C12orf42: variants seen among roughly 807,000 people sequenced by gnomAD.
C12orf42 encodes the protein chromosome 12 open reading frame 42.
In C12orf42, 25 loss-of-function variants were observed where a neutral mutation model predicts 21.6. The observed-to-expected ratio is 1.16, with a 90% CI of 0.84 to 1.62. The LOEUF is 1.62. C12orf42 is among the 40% of genes most tolerant of loss of function. The pLI, the probability that C12orf42 is intolerant of heterozygous loss-of-function variation, is 0.00. For synonymous variants in C12orf42, 174 were observed against 175.0 expected (o/e 0.99, Z 0.05); for missense variants, 483 against 459.3 (o/e 1.05, Z -0.47).
chr12:103,480,186 ATTATT>A (rs1954365909), intron 1 of C12orf42, among the ~76,000 whole-genome samples: 1 of 151,794 alleles, frequency 6.6e-6, no homozygotes, highest in Admixed American at 6.6e-5. Context: ...TTTCAAATAA[ATTATT>A]TTATTTCCTA....
At chr12:103,111,681 C>T in the C12orf42 span, among the ~76,000 whole-genome samples, 130 of 152,278 alleles carry the variant, frequency 8.5e-4, 1 homozygote, top group Middle Eastern at 6.8e-3. Context: ...GCATTAGTAG[C>T]ACTTTTGTTA....
At chr12:103,326,507 T>C (rs1347481945) in intron 4 of C12orf42, among the ~76,000 whole-genome samples, 1 of 152,208 alleles carries the variant, frequency 6.6e-6, no homozygotes, top group Non-Finnish European at 1.5e-5. Flanking sequence ...CTACATGATC[T>C]AGCCCCTTCC....
the C12orf42 span, among the ~76,000 whole-genome samples, chr12:103,107,464 T>C: frequency 6.6e-6 from 1 of 151,990 alleles, no homozygotes; most frequent in South Asian, 2.1e-4. Context: ...AATAGAATTA[T>C]AGTTAGAAAC....
At chr12:103,439,904 C>T (rs10861010) in intron 2 of C12orf42, among the ~76,000 whole-genome samples, 89,577 of 144,902 alleles carry the variant, frequency 0.62, 27,858 homozygotes, top group Admixed American at 0.71. Context: ...CATCCCATTA[C>T]TGGGTATATA....
intron 2 of C12orf42, among the ~76,000 whole-genome samples, chr12:103,447,116 A>G (rs937637639): frequency 3.3e-5 from 5 of 152,004 alleles, no homozygotes; most frequent in Non-Finnish European, 5.9e-5. Context: ...ATAGGGCACA[A>G]AAAAGTCTCA....
intron 10 of C12orf42, among the ~76,000 whole-genome samples, chr12:103,252,816 C>T (rs1593214490): frequency 6.6e-6 from 1 of 152,200 alleles, no homozygotes; most frequent in South Asian, 2.1e-4. Flanking sequence ...ATTTAGATCC[C>T]ATTTGTCAAT....
the C12orf42 span, among the ~76,000 whole-genome samples, chr12:103,173,315 G>A: frequency 2.4e-4 from 37 of 152,200 alleles, no homozygotes; most frequent in African/African-American, 8.9e-4. Context: ...GTTCACATGG[G>A]AAAGCAGCAA....
intron 2 of C12orf42, among the ~76,000 whole-genome samples, chr12:103,425,502 C>T (rs947528290): frequency 1.3e-5 from 2 of 152,200 alleles, no homozygotes; most frequent in Non-Finnish European, 2.9e-5. Flanking sequence ...AGGCAGCAAT[C>T]TTTGCTGTTC....
chr12:103,536,090 G>A, the C12orf42 span, among the ~76,000 whole-genome samples: 1 of 152,186 alleles, frequency 6.6e-6, no homozygotes, highest in Non-Finnish European at 1.5e-5. Context: ...TGATAATAAG[G>A]AATTGTAAGA....
At chr12:103,076,696 T>C in the C12orf42 span, among the ~76,000 whole-genome samples, 1 of 152,210 alleles carries the variant, frequency 6.6e-6, no homozygotes, top group African/African-American at 2.4e-5. Flanking sequence ...ATTATAGTGA[T>C]ACCTAACACT....
At chr12:103,487,883 C>T (rs1383607331) in intron 1 of C12orf42, among the ~76,000 whole-genome samples, 1 of 152,132 alleles carries the variant, frequency 6.6e-6, no homozygotes, top group Non-Finnish European at 1.5e-5. Flanking sequence ...GAATACAGCA[C>T]ACTAATGGGT....
At chr12:103,155,478 A>G in the C12orf42 span, among the ~76,000 whole-genome samples, 1 of 152,234 alleles carries the variant, frequency 6.6e-6, no homozygotes, top group Admixed American at 6.5e-5. Flanking sequence ...TTCTATGAGC[A>G]CATAATGAGT....
the C12orf42 span, among the ~76,000 whole-genome samples, chr12:103,147,693 TG>T: frequency 6.8e-6 from 1 of 148,070 alleles, no homozygotes; most frequent in Non-Finnish European, 1.5e-5. Context: ...AAGCCGCAAT[TG>T]TGTGAGGCTG....
At chr12:103,251,250 C>T (rs1416182177) in intron 10 of C12orf42, among the ~76,000 whole-genome samples, 1 of 152,110 alleles carries the variant, frequency 6.6e-6, no homozygotes, top group African/African-American at 2.4e-5. Context: ...CCTTTCCCAA[C>T]CCCACTATAG....
At chr12:103,481,766 T>A (rs945871116) in intron 1 of C12orf42, among the ~76,000 whole-genome samples, 3 of 151,802 alleles carry the variant, frequency 2.0e-5, no homozygotes, top group African/African-American at 7.2e-5. Context: ...ATGTGCTTTC[T>A]ACTTATCTAC....
the C12orf42 span, among the ~76,000 whole-genome samples, chr12:103,554,355 T>C: frequency 1.3e-5 from 2 of 151,654 alleles, no homozygotes; most frequent in Non-Finnish European, 2.9e-5. Flanking sequence ...AGCCCAAGAG[T>C]TAAAAATAAA....
chr12:103,142,795 C>T, the C12orf42 span, among the ~76,000 whole-genome samples: 3 of 152,166 alleles, frequency 2.0e-5, no homozygotes, highest in African/African-American at 7.2e-5. Flanking sequence ...TATAACTCAA[C>T]TTGTGCAGCA....
the C12orf42 span, among the ~76,000 whole-genome samples, chr12:103,548,318 C>CT: frequency 6.6e-6 from 1 of 152,218 alleles, no homozygotes; most frequent in East Asian, 1.9e-4. Flanking sequence ...GATAAGGCAG[C>CT]TACAGGTTAA....
chr12:103,459,544 C>A (rs1255752297), intron 2 of C12orf42, among the ~76,000 whole-genome samples: 1 of 152,164 alleles, frequency 6.6e-6, no homozygotes, highest in Non-Finnish European at 1.5e-5. Context: ...CTTCCTGAGG[C>A]CTTACCAGAA....
Sources: allele counts gnomAD v4.1 joint callset (sites outside exome capture counted in the v4.1 genomes callset), GRCh38; gene constraint gnomAD v4.1.1; transcripts MANE v1.5; gene names NCBI Gene and HGNC (gene_info 2026-07-23, HGNC 2026-07-21).